VPS9D1: variants seen among roughly 807,000 people sequenced by gnomAD.
VPS9D1 encodes the protein VPS9 domain containing 1.
In VPS9D1, 78 loss-of-function variants were observed where a neutral mutation model predicts 75.8. That is an observed-to-expected ratio of 1.03 (90% CI 0.86 to 1.24). The LOEUF is 1.24. VPS9D1 is among the 50% of genes most tolerant of loss of function. The pLI is 0.00. For synonymous variants in VPS9D1, 481 were observed against 385.6 expected, an observed-to-expected ratio of 1.25 and a Z score of -2.90; for missense variants, 1,057 against 847.7, an observed-to-expected ratio of 1.25 and a Z score of -3.07.
chr16:89,711,690 C>T (rs2151625906), intron 8 of VPS9D1, 192 bp downstream of exon 8: 1 of 762,012 alleles, frequency 1.3e-6, no homozygotes, highest in East Asian at 2.8e-5. Flanking sequence ...ACCTCGCCTC[C>T]TCGCTCTGCC....
intron 4 of VPS9D1, among the ~76,000 whole-genome samples, chr16:89,715,877 A>G (rs936725348): frequency 6.6e-6 from 1 of 150,422 alleles, no homozygotes; most frequent in Non-Finnish European, 1.5e-5. Context: ...GGGTTTTACC[A>G]TGTTGGCCAG....
At chr16:89,718,138 A>G (rs1306029361) in intron 2 of VPS9D1, 2 of 444,938 alleles carry the variant, frequency 4.5e-6, no homozygotes, top group East Asian at 1.4e-4. Flanking sequence ...TGGCCTCTCA[A>G]ACTTAATGTG....
intron 13 of VPS9D1, 60 bp from the exon 14 acceptor site, chr16:89,708,591 A>C (rs980495995): frequency 6.5e-7 from 1 of 1,535,802 alleles, no homozygotes. Flanking sequence ...CCGCAAACCC[A>C]GCAGCTGTGG....
In VPS9D1 at chr16:89,714,759, G is replaced by A. The variant is rs139714289; in HGVS notation, c.431+1703C>T. Among the ~76,000 whole-genome samples the A allele has an allele frequency of 3.0e-3, 449 of 151,290 alleles. 1 individual carries two copies. Among genetic ancestry groups the A allele is most frequent in the Non-Finnish European group, 5.1e-3 (343 of 67,868 alleles). On this transcript the variant is annotated intron_variant, in intron 4 of 14. Transcript: ENST00000389386. ...TTTCTTTCTTCTTTTTTTTTGAGCCGGAGTCTCGCTCTGTTGCTAGGCTGG... is the reference window on the plus strand; with the variant it reads ...TTTCTTTCTTCTTTTTTTTTGAGCCAGAGTCTCGCTCTGTTGCTAGGCTGG...
At chr16:89,711,505 G>C in intron 8 of VPS9D1, 93 bp from the exon 9 acceptor site, 1 of 1,270,764 alleles carries the variant, frequency 7.9e-7, no homozygotes, top group Middle Eastern at 2.0e-4. Flanking sequence ...TAGAGACTGT[G>C]GGAGCCCGTC....
At chr16:89,713,883 C>G (rs2060999492) in intron 4 of VPS9D1, among the ~76,000 whole-genome samples, 1 of 152,022 alleles carries the variant, frequency 6.6e-6, no homozygotes, top group South Asian at 2.1e-4. Context: ...TGGCATGTGC[C>G]TGTGCTCCAG....
In VPS9D1 at chr16:89,716,378, A is replaced by G. The variant is rs1597925829; in HGVS notation, c.431+84T>C. 21 of 1,580,336 alleles carry G rather than the reference A, an allele frequency of 1.3e-5. No homozygotes were observed. The East Asian group carries it at 1.3e-4, about 10-fold the overall frequency. ...GAGACTCTGTCTCAAAAAACAAAAAAAAAATCGCTGTCATCAGCTCATCTT... is the reference window on the plus strand; with the variant it reads ...GAGACTCTGTCTCAAAAAACAAAAAGAAAATCGCTGTCATCAGCTCATCTT... On this transcript the variant is annotated intron_variant, in intron 4 of 14. Transcript: ENST00000389386.
chr16:89,713,228 G>C (rs1181093745), intron 4 of VPS9D1: 1 of 152,044 alleles, frequency 6.6e-6, no homozygotes, highest in African/African-American at 2.4e-5. Flanking sequence ...CACAGGTTTT[G>C]GTATTGCCAG....
chr16:89,712,314 AC>A, intron 6 of VPS9D1, 145 bp downstream of exon 6: 2 of 1,366,010 alleles, frequency 1.5e-6, no homozygotes, highest in Non-Finnish European at 2.0e-6. Context: ...TTCCCCTGAG[AC>A]CCTGCCTCTG....
At chr16:89,711,553 A>ACCCGCC (rs1052782464) in intron 8 of VPS9D1, 141 bp from the exon 9 acceptor site, 15 of 612,256 alleles carry the variant, frequency 2.4e-5, no homozygotes, top group Admixed American at 1.4e-4. Flanking sequence ...AGGCCCCGCG[A>ACCCGCC]CCCGCCCCCG....
At chr16:89,709,025 G>GCCCCCCCCCCC in intron 12 of VPS9D1, 69 bp from the exon 13 acceptor site, 7 of 627,190 alleles carry the variant, frequency 1.1e-5, no homozygotes, top group South Asian at 6.0e-5. Flanking sequence ...CTTATACCCC[G>GCCCCCCCCCCC]CCCACCCACC....
At position 89,708,454 on chromosome 16, in the gene VPS9D1, G is replaced by C. The variant is rs764242345; in HGVS notation, c.1775C>G (p.Ala592Gly). The C allele has an allele frequency of 6.2e-7, 1 of 1,612,596 alleles. No individual in the cohort carries two copies. Among genetic ancestry groups the C allele is most frequent in the African/African-American group, 1.3e-5 (1 of 74,944 alleles). The stretch of plus-strand genomic sequence containing the variant: ...CTCGTGGATGAACTCCTCCAGGGCC[G>C]CGCACTCCGACACCAGCTGAGGGAG... ...SGLPQLVSEC[A>G]ALEEFIHEGY... The change falls in exon 14 of 15, where the codon GCG (alanine) becomes GGG (glycine). Residue 592 changes from alanine to glycine, a missense_variant. Physicochemically the swap from Ala to Gly is moderately conservative, Grantham distance 60 (BLOSUM62 0). Coordinates refer to ENST00000389386, the MANE Select transcript of VPS9D1 (RefSeq NM_004913.3).
chr16:89,718,748 C>T (rs529668613), intron 2 of VPS9D1, among the ~76,000 whole-genome samples: 2 of 151,046 alleles, frequency 1.3e-5, no homozygotes, highest in East Asian at 3.9e-4. Context: ...CGGAGTTTCG[C>T]TCTTGTTCCA....
intron 8 of VPS9D1, 155 bp from the exon 9 acceptor site, chr16:89,711,567 C>A (rs895593030): frequency 1.4e-6 from 1 of 723,914 alleles, no homozygotes; most frequent in African/African-American, 1.8e-5. Flanking sequence ...GCCCCCGCCC[C>A]CACCCACACC....
Position 89,710,661 on chromosome 16 carries a change from G to C in VPS9D1, c.1183C>G (p.Arg395Gly). The C allele has an allele frequency of 6.2e-7, 1 of 1,611,830 alleles. No individual in the cohort carries two copies. ...QFLGTSERQG[R>G]GRGVQPEPQL... is the part of the protein sequence containing the mutation. Reference sequence around the variant, plus strand: ...GGCTCCGGCTGTACCCCACGGCCCCGGCCCTGCCGCTCAGACGTCCCCAGG... The same window carrying C: ...GGCTCCGGCTGTACCCCACGGCCCCCGCCCTGCCGCTCAGACGTCCCCAGG... Residue 395 changes from arginine to glycine, a missense_variant, in exon 10 of 15, where the codon CGG becomes GGG. Coordinates refer to ENST00000389386, the MANE Select transcript of VPS9D1 (RefSeq NM_004913.3).
chr16:89,708,643 G>C, intron 13 of VPS9D1, 112 bp from the exon 14 acceptor site: 1 of 1,244,188 alleles, frequency 8.0e-7, no homozygotes, highest in East Asian at 2.5e-5. Context: ...GTGCCCTTCT[G>C]CGCAGAGGCA....
chr16:89,717,768 A>G, intron 2 of VPS9D1: 1 of 456,644 alleles, frequency 2.2e-6, no homozygotes, highest in South Asian at 1.5e-5. Context: ...TCAATCTTGG[A>G]GCGCCAGAGC....
chr16:89,712,129 G>C, intron 6 of VPS9D1, 30 bp from the exon 7 acceptor site: 1 of 1,548,026 alleles, frequency 6.5e-7, no homozygotes, highest in Non-Finnish European at 8.7e-7. Flanking sequence ...GCCGAGCGTG[G>C]GATCTGAGCG....
Position 89,710,614 on chromosome 16 carries a change from G to A in VPS9D1, c.1230C>T (p.Thr410=), listed in dbSNP as rs369064538. Residue 410 remains threonine (T), a synonymous_variant, in exon 10 of 15, where the codon ACC becomes ACT. Transcript: ENST00000389386. ...CGGCATTGTGGATCTCCTCCACCGC[G>A]GTCTTCAGCTGCTGCAGCTGGGGCT... ...QPEPQLQQLK[T]AVEEIHNAVD... is the part of the protein sequence containing the mutation. 14 of 1,607,112 alleles carry A rather than the reference G, an allele frequency of 8.7e-6. No homozygotes were observed. Among genetic ancestry groups the A allele is most frequent in the African/African-American group, 8.0e-5 (6 of 74,792 alleles).
Sources: gnomAD v4.1 joint callset for allele counts (sites outside exome capture counted in the v4.1 genomes callset) on GRCh38, gnomAD v4.1.1 for gene constraint, MANE v1.5 for transcripts, NCBI Gene and HGNC (gene_info 2026-07-23, HGNC 2026-07-21) for gene names.